CFLAR: variants seen among roughly 807,000 people sequenced by gnomAD.
The protein encoded by CFLAR is CASP8 and FADD like apoptosis regulator, also known as CASP8 and FADD-like apoptosis regulator.
CFLAR carries 14 observed loss-of-function variants against 51.1 expected under a neutral mutation model. That is an observed-to-expected ratio of 0.27 (90% CI 0.18 to 0.43). The LOEUF is 0.43. Among genes scored for constraint, CFLAR ranks in the 20% least tolerant of loss-of-function variants. CFLAR has a pLI of 1.00. For synonymous variants in CFLAR, 210 were observed against 211.6 expected (o/e 0.99, Z 0.06); for missense variants, 390 against 566.5 (o/e 0.69, Z 3.16).
chr2:201,161,912 A>G (rs907742951), intron 9 of CFLAR, among the ~76,000 whole-genome samples: 1 of 150,694 alleles, frequency 6.6e-6, no homozygotes, highest in African/African-American at 2.4e-5. Flanking sequence ...ACACCTGGCT[A>G]ATTTTTGTAT....
At chr2:201,156,725 A>AC (rs1440329818) in intron 8 of CFLAR, among the ~76,000 whole-genome samples, 25 of 79,612 alleles carry the variant, frequency 3.1e-4, no homozygotes, top group Non-Finnish European at 4.5e-4. Flanking sequence ...TCCCCTCCCC[A>AC]CCCCCCCACA....
chr2:201,138,370 T>C lies in CFLAR; in HGVS notation c.524-1987T>C. 1 of 770,588 alleles carries C rather than the reference T, an allele frequency of 1.3e-6. No individual in the cohort carries two copies. Among genetic ancestry groups the C allele is most frequent in the Non-Finnish European group, 2.4e-6 (1 of 417,502 alleles). The allele number at this position is 770,588 out of a possible 1,614,324, so 47.7% of individuals were successfully genotyped here. On this transcript the variant is annotated intron_variant, in intron 4 of 9. Transcript: ENST00000309955. This position sits in a 1 kb window ranked among gnomAD's most constrained non-coding sequence, Gnocchi z 4.0. Reference sequence around the variant, plus strand: ...AATCCTTGGAGGCCACAGGGTAGTCTCGGTTCTTCAGCGCGGTGCAGGTGA... The same window carrying C: ...AATCCTTGGAGGCCACAGGGTAGTCCCGGTTCTTCAGCGCGGTGCAGGTGA...
At chr2:201,128,204 T>C (rs772457501) in intron 1 of CFLAR, among the ~76,000 whole-genome samples, 1 of 152,214 alleles carries the variant, frequency 6.6e-6, no homozygotes, top group Non-Finnish European at 1.5e-5. Flanking sequence ...TGACTATTCA[T>C]TAATACAGTA....
In CFLAR at chr2:201,124,728, A is replaced by G. The variant is rs1052846136; in HGVS notation, c.-137-5001A>G. ...CAGGGGGAACAGAATGGCTAGGGGA[A>G]TGAGTTTGGATGAGAGACGGATGGT... On this transcript the variant is annotated intron_variant, in intron 1 of 9. Coordinates refer to ENST00000309955, the MANE Select transcript of CFLAR (RefSeq NM_003879.7). The surrounding 1 kb of genome is among the most constrained non-coding windows in gnomAD (Gnocchi z 4.7). 2.6e-5 allele frequency among the ~76,000 whole-genome samples: 4 copies of G among 152,156 alleles called. No individual in the cohort carries two copies. The highest frequency in any genetic ancestry group is 9.7e-5 in the African/African-American group (4 of 41,440).
chr2:201,154,103 A>G (rs1173771571), intron 8 of CFLAR: 5 of 294,678 alleles, frequency 1.7e-5, no homozygotes, highest in South Asian at 2.7e-5. Context: ...TTTTTAATTT[A>G]TTTTTAAGAC....
At chr2:201,159,363 G>A (rs1034736875) in intron 8 of CFLAR, among the ~76,000 whole-genome samples, 31 of 151,744 alleles carry the variant, frequency 2.0e-4, no homozygotes, top group Admixed American at 2.0e-4. Flanking sequence ...AGGCTGGAGT[G>A]CAGTGTCACA....
Position 201,129,744 on chromosome 2 carries a change from A to G in CFLAR, c.-122A>G. 1 of 920,956 alleles carries G rather than the reference A, an allele frequency of 1.1e-6. No homozygotes were observed. 57.0% of individuals were successfully genotyped at this position (920,956 alleles called of 1,614,324 possible). ...TTAACCACAGAACTCCCCCACTGGA[A>G]AGGATTCTGAAAGAAATGAAGTCAG... On this transcript the variant is annotated 5_prime_UTR_variant, in exon 2 of 10. Transcript: ENST00000309955.
chr2:201,145,845 G>T (rs1179229515), intron 6 of CFLAR, among the ~76,000 whole-genome samples: 3 of 152,150 alleles, frequency 2.0e-5, no homozygotes, highest in African/African-American at 7.2e-5. Flanking sequence ...CTCTACAGAT[G>T]ATATCCCCCC....
At chr2:201,140,133 G>C (rs1193610169) in intron 4 of CFLAR, 2 of 282,684 alleles carry the variant, frequency 7.1e-6, no homozygotes, top group African/African-American at 2.3e-5. Flanking sequence ...GGGTGGGCTG[G>C]GGGCGGGGGC....
chr2:201,153,587 A>G (rs1020835688), intron 8 of CFLAR: 7 of 152,248 alleles, frequency 4.6e-5, no homozygotes, highest in Admixed American at 4.6e-4. Context: ...TAACTTTGCC[A>G]TCTGGTTAAC....
intron 3 of CFLAR, among the ~76,000 whole-genome samples, chr2:201,135,558 G>A (rs556100167): frequency 5.9e-5 from 9 of 152,244 alleles, no homozygotes; most frequent in African/African-American, 2.2e-4. Flanking sequence ...CACTGAAAGG[G>A]CTCATCTTGT....
chr2:201,173,424 G>T lies in CFLAR; in HGVS notation c.*9451G>T, dbSNP rs533723603. ...GGGTTTCACCGTGTTAGCCAGGATG[G>T]TCTCTATCTCCTGACCTCGTGATCC... On this transcript the variant is annotated 3_prime_UTR_variant, in exon 10 of 10. Transcript: ENST00000309955. The T allele has an allele frequency of 6.6e-6, 1 of 152,416 alleles. No homozygotes were observed. Among genetic ancestry groups the T allele is most frequent in the South Asian group, 2.1e-4 (1 of 4,832 alleles). The allele number at this position is 152,416 out of a possible 1,614,324, so 9.4% of individuals were successfully genotyped here. A position where few individuals can be genotyped will look rare whatever the true frequency, so the allele number is the denominator to read the frequency against.
intron 7 of CFLAR, 160 bp from the exon 8 acceptor site, chr2:201,149,594 A>G: frequency 3.6e-6 from 2 of 550,536 alleles, no homozygotes; most frequent in East Asian, 6.1e-5. Context: ...AAAATTTGAT[A>G]TTAATGGGAA....
In CFLAR at chr2:201,116,843, G is replaced by A. The variant is rs944530017; in HGVS notation, c.-138+362G>A. Reference sequence around the variant, plus strand: ...AGAAAGGGGCGACCTGGGCCACAGCGGTACAAGCTGCACCCCGATGGACCT... The same window carrying A: ...AGAAAGGGGCGACCTGGGCCACAGCAGTACAAGCTGCACCCCGATGGACCT... On this transcript the variant is annotated intron_variant, in intron 1 of 9. Transcript: ENST00000309955. The surrounding 1 kb of genome is among the most constrained non-coding windows in gnomAD (Gnocchi z 4.8). 3.3e-5 allele frequency: 5 copies of A among 152,272 alleles called. No homozygotes were observed. The highest frequency in any genetic ancestry group is 5.9e-5 in the Non-Finnish European group (4 of 68,106). The allele number at this position is 152,272 out of a possible 1,614,324, so 9.4% of individuals were successfully genotyped here.
At chr2:201,139,109 G>A (rs919487121) in intron 4 of CFLAR, 97 of 377,504 alleles carry the variant, frequency 2.6e-4, no homozygotes, top group South Asian at 1.0e-3. Flanking sequence ...TCTGCCTCGA[G>A]ATGCTGTTAA....
chr2:201,155,378 C>T (rs572342963), intron 8 of CFLAR, among the ~76,000 whole-genome samples: 96 of 151,898 alleles, frequency 6.3e-4, no homozygotes, highest in African/African-American at 2.1e-3. Flanking sequence ...CGATTCTCCG[C>T]CTCAGCCTCC....
At chr2:201,141,556 TTAC>T (rs1938878891) in intron 5 of CFLAR, 12 of 1,317,394 alleles carry the variant, frequency 9.1e-6, no homozygotes, top group Middle Eastern at 5.2e-4. Context: ...CAATCTTTTG[TTAC>T]TACTAATAAT....
rs1460459341 is a variant in CFLAR, at chr2:201,173,385, T to G, written c.*9412T>G. The G allele has an allele frequency of 6.6e-6, 1 of 152,424 alleles. No individual in the cohort carries two copies. Among genetic ancestry groups the G allele is most frequent in the Non-Finnish European group, 1.5e-5 (1 of 68,228 alleles). 9.4% of individuals were successfully genotyped at this position (152,424 alleles called of 1,614,324 possible). A position where few individuals can be genotyped will look rare whatever the true frequency, so the allele number is the denominator to read the frequency against. ...ACCACGCCCGGCTAATTTTTTGTAT[T>G]TTTAGTAGAGACAGGGTTTCACCGT... On this transcript the variant is annotated 3_prime_UTR_variant, in exon 10 of 10. Transcript: ENST00000309955.
chr2:201,150,868 T>C (rs1174594920), intron 8 of CFLAR, among the ~76,000 whole-genome samples: 1 of 152,182 alleles, frequency 6.6e-6, no homozygotes, highest in Non-Finnish European at 1.5e-5. Context: ...GGGGGACACA[T>C]AACAGTGTCT....
Sources: gnomAD v4.1 joint callset for allele counts (sites outside exome capture counted in the v4.1 genomes callset) on GRCh38, gnomAD v4.1.1 for gene constraint, Gnocchi (gnomAD v3.1) non-coding constraint, MANE v1.5 for transcripts, NCBI Gene and HGNC (gene_info 2026-07-23, HGNC 2026-07-21) for gene names.